ABLIM3: variants seen among roughly 807,000 people sequenced by gnomAD.
ABLIM3 encodes actin binding LIM protein family member 3, also known as actin-binding LIM protein 3.
Under a neutral mutation model 109.5 loss-of-function variants are expected in ABLIM3, and 61 were observed. That is an observed-to-expected ratio of 0.56 (90% CI 0.45 to 0.69). ABLIM3 has a LOEUF of 0.69. Ranked by LOEUF, ABLIM3 falls within the 30% of genes least tolerant of loss-of-function variation. The probability of loss-of-function intolerance (pLI) is 0.00; values close to 1 mark genes in which losing one functional copy is unlikely to be tolerated. For missense variants in ABLIM3, 796 were observed against 889.5 expected (o/e 0.89, Z 1.34); for synonymous variants, 300 against 324.8 (o/e 0.92, Z 0.82).
chr5:149,199,628 G>A (rs538149800), intron 4 of ABLIM3, among the ~76,000 whole-genome samples: 12 of 152,206 alleles, frequency 7.9e-5, no homozygotes, highest in Admixed American at 2.6e-4. Context: ...TCCCTCCATC[G>A]TGCCACAGTG....
intron 2 of ABLIM3, among the ~76,000 whole-genome samples, chr5:149,181,279 T>A (rs74855938): frequency 9.4e-4 from 141 of 150,738 alleles, no homozygotes; most frequent in Middle Eastern, 3.4e-3. Flanking sequence ...TTAAAGAGAA[T>A]GTTTATGAAC....
intron 3 of ABLIM3, among the ~76,000 whole-genome samples, chr5:149,183,989 T>G (rs1350112198): frequency 1.3e-5 from 2 of 149,562 alleles, no homozygotes; most frequent in Admixed American, 6.6e-5. Context: ...TTTTTTGAGA[T>G]GAGTAGCTAT....
At chr5:149,225,887 G>A (rs1761135027) in intron 8 of ABLIM3, among the ~76,000 whole-genome samples, 1 of 144,640 alleles carries the variant, frequency 6.9e-6, no homozygotes, top group African/African-American at 2.6e-5. Context: ...CCATTATTTT[G>A]TTTCCTTTAT....
chr5:149,173,787 C>T (rs1327556089), intron 2 of ABLIM3, among the ~76,000 whole-genome samples: 1 of 151,922 alleles, frequency 6.6e-6, no homozygotes, highest in East Asian at 1.9e-4. Context: ...TTTGGGAGGC[C>T]GAGGCGGGTG....
At chr5:149,241,958 C>T (rs1752892232) in intron 14 of ABLIM3, among the ~76,000 whole-genome samples, 1 of 152,158 alleles carries the variant, frequency 6.6e-6, no homozygotes, top group South Asian at 2.1e-4. Flanking sequence ...GAACCTCAGT[C>T]TCCTGACACC....
In ABLIM3 at chr5:149,163,047, A is replaced by T. The variant is rs539233905; in HGVS notation, c.14-20405A>T. 3.4e-3 allele frequency among the ~76,000 whole-genome samples: 519 copies of T among 152,362 alleles called. 2 individuals are homozygous for T. Among genetic ancestry groups the T allele is most frequent in the African/African-American group, 0.012 (501 of 41,578 alleles). On this transcript the variant is annotated intron_variant, in intron 2 of 23. Coordinates refer to ENST00000309868, the MANE Select transcript of ABLIM3 (RefSeq NM_014945.5). ...GGTCTGCGACAGGCTGGGCAGGCCA[A>T]CAGGGGCCAGAACACACAGGGCCTT...
intron 10 of ABLIM3, 141 bp from the exon 11 acceptor site, chr5:149,237,307 A>G (rs1011969298): frequency 1.2e-5 from 10 of 864,186 alleles, no homozygotes; most frequent in South Asian, 1.7e-5. Context: ...ACATTCTACT[A>G]TTCTTCAATT....
chr5:149,195,633 AG>A (rs1413032289), intron 3 of ABLIM3, among the ~76,000 whole-genome samples: 2 of 152,014 alleles, frequency 1.3e-5, no homozygotes, highest in East Asian at 3.9e-4. Context: ...GAAAAAAAAA[AG>A]GGAAAAAACC....
chr5:149,190,218 ATAAGGAG>A (rs1757354030), intron 3 of ABLIM3, among the ~76,000 whole-genome samples: 1 of 152,218 alleles, frequency 6.6e-6, no homozygotes, highest in Admixed American at 6.5e-5. Flanking sequence ...TTGGAGGAAG[ATAAGGAG>A]TGATTTGTAA....
At position 149,246,521 on chromosome 5, in the gene ABLIM3, A is replaced by G. The variant is rs775757552; in HGVS notation, c.1526A>G (p.Asp509Gly). Residue 509 changes from aspartate (D) to glycine (G), a missense_variant, in exon 17 of 24, where the codon GAT becomes GGT. Transcript: ENST00000309868. ...ARRFSSGGEEDDFDRSMHKLQ... is the reference protein window; with the variant it reads ...ARRFSSGGEEGDFDRSMHKLQ... The stretch of plus-strand genomic sequence containing the variant: ...AGGTTCTCGTCTGGAGGAGAGGAGG[A>G]TGATTTTGACCGCAGCATGCACAAG... 93 of 1,614,000 alleles carry G rather than the reference A, an allele frequency of 5.8e-5. No homozygotes were observed. Among genetic ancestry groups the G allele is most frequent in the Non-Finnish European group, 7.2e-5 (85 of 1,180,050 alleles).
At chr5:149,219,309 C>G (rs1760407077) in intron 8 of ABLIM3, 1 of 152,218 alleles carries the variant, frequency 6.6e-6, no homozygotes, top group African/African-American at 2.4e-5. Flanking sequence ...ACCACTGGCC[C>G]AGAGCTACCC....
rs9325138 is a variant in ABLIM3, at chr5:149,259,630, A to G, written c.*1226A>G. 97,720 of 1,520,588 alleles carry G rather than the reference A, an allele frequency of 0.064. 11,169 individuals carry two copies. Among genetic ancestry groups the G allele is most frequent in the African/African-American group, 0.51 (36,826 of 72,742 alleles). 94.2% of individuals were successfully genotyped at this position (1,520,588 alleles called of 1,614,324 possible). On this transcript the variant is annotated 3_prime_UTR_variant, in exon 24 of 24. Transcript: ENST00000309868. Reference sequence around the variant, plus strand: ...GCTCATGGCCATCCTGGATTTTCCCAGTGGCTTCCCTTCCTGCTCGCCTCC... The same window carrying G: ...GCTCATGGCCATCCTGGATTTTCCCGGTGGCTTCCCTTCCTGCTCGCCTCC...
intron 8 of ABLIM3, among the ~76,000 whole-genome samples, chr5:149,223,491 A>G (rs1760870499): frequency 6.6e-6 from 1 of 152,220 alleles, no homozygotes; most frequent in Admixed American, 6.5e-5. Context: ...AACTCAAGCT[A>G]TGTTAGGCAA....
intron 22 of ABLIM3, 71 bp downstream of exon 22, chr5:149,252,279 G>C (rs1032956925): frequency 1.3e-6 from 2 of 1,562,008 alleles, no homozygotes; most frequent in Non-Finnish European, 8.8e-7. Context: ...TCACCAGGAG[G>C]ATGACAGCAC....
chr5:149,142,948 A>G (rs988798829), intron 2 of ABLIM3, among the ~76,000 whole-genome samples: 7 of 152,036 alleles, frequency 4.6e-5, no homozygotes, highest in African/African-American at 9.7e-5. Context: ...CCAGCATCGC[A>G]TAGGGCTGTT....
chr5:149,192,462 A>G (rs1757565404), intron 3 of ABLIM3, among the ~76,000 whole-genome samples: 1 of 151,730 alleles, frequency 6.6e-6, no homozygotes, highest in South Asian at 2.1e-4. Context: ...AGGGTTAATG[A>G]AAGTTTCTAT....
intron 8 of ABLIM3, among the ~76,000 whole-genome samples, chr5:149,228,640 T>C (rs1761545884): frequency 6.6e-6 from 1 of 152,236 alleles, no homozygotes; most frequent in South Asian, 2.1e-4. Flanking sequence ...ACAAATCATC[T>C]TTTCTTGCAT....
chr5:149,189,297 C>T (rs1205496929), intron 3 of ABLIM3, among the ~76,000 whole-genome samples: 2 of 152,056 alleles, frequency 1.3e-5, no homozygotes, highest in Non-Finnish European at 2.9e-5. Flanking sequence ...TTGAGTTGTG[C>T]TAAACCTTCT....
intron 9 of ABLIM3, 111 bp from the exon 10 acceptor site, chr5:149,233,118 G>A: frequency 1.1e-6 from 1 of 933,318 alleles, no homozygotes; most frequent in African/African-American, 1.6e-5. Flanking sequence ...GAAGTAGCCA[G>A]AGAGTACTTT....
Sources: gnomAD v4.1 joint callset for allele counts (sites outside exome capture counted in the v4.1 genomes callset) on GRCh38, gnomAD v4.1.1 for gene constraint, MANE v1.5 for transcripts, NCBI Gene and HGNC (gene_info 2026-07-23, HGNC 2026-07-21) for gene names.